Variants in SCAPER observed in about 807,000 individuals in gnomAD.
SCAPER encodes S-phase cyclin A associated protein in the ER, also known as S phase cyclin A-associated protein in the endoplasmic reticulum.
In SCAPER, 98 loss-of-function variants were observed where a neutral mutation model predicts 182.2. That is an observed-to-expected ratio of 0.54 (90% CI 0.46 to 0.64). The LOEUF is 0.64. SCAPER is among the 30% of genes least tolerant of loss of function. The probability of loss-of-function intolerance (pLI) is 0.00; values close to 1 mark genes in which losing one functional copy is unlikely to be tolerated. For missense variants in SCAPER, 1,432 were observed against 1,690.0 expected (o/e 0.85, Z 2.68); for synonymous variants, 605 against 564.6 (o/e 1.07, Z -1.01).
intron 21 of SCAPER, among the ~76,000 whole-genome samples, chr15:76,632,396 T>C (rs940681137): frequency 2.6e-5 from 4 of 152,038 alleles, no homozygotes; most frequent in Admixed American, 6.5e-5. Flanking sequence ...GGTTTCACAG[T>C]GTCAGCCAGG....
chr15:76,648,691 G>A (rs1337334140), intron 21 of SCAPER, among the ~76,000 whole-genome samples: 1 of 152,164 alleles, frequency 6.6e-6, no homozygotes, highest in Non-Finnish European at 1.5e-5. Context: ...TAAAAAAGCA[G>A]CCCCAAAATC....
chr15:76,873,351 C>A (rs75789516), intron 2 of SCAPER, among the ~76,000 whole-genome samples: 3,750 of 113,252 alleles, frequency 0.033, 63 homozygotes, highest in East Asian at 0.094. Context: ...GGCAGGCAGG[C>A]AGGCAGGCAG....
chr15:76,538,681 C>T (rs905543454), intron 23 of SCAPER, among the ~76,000 whole-genome samples: 1 of 151,260 alleles, frequency 6.6e-6, no homozygotes, highest in Admixed American at 6.6e-5. Flanking sequence ...TAATCCTGCA[C>T]ATTGTGCACA....
At position 76,579,160 on chromosome 15, in the gene SCAPER, G is replaced by A. The variant is rs185493356; in HGVS notation, c.2712-4876C>T. Reference sequence around the variant, plus strand: ...GGGTGCCTGTAATCCCAGCTACTCAGGAGGCTGAGGCAGGAGAATGGCATG... The same window carrying A: ...GGGTGCCTGTAATCCCAGCTACTCAAGAGGCTGAGGCAGGAGAATGGCATG... On this transcript the variant is annotated intron_variant, in intron 22 of 31. Transcript: ENST00000563290. Among the ~76,000 whole-genome samples, 174 of 151,054 alleles carry A rather than the reference G, an allele frequency of 1.2e-3. 1 individual carries two copies. Among genetic ancestry groups the A allele is most frequent in the African/African-American group, 4.1e-3 (168 of 41,192 alleles).
At chr15:76,753,679 A>C in intron 15 of SCAPER, 129 bp downstream of exon 15, 3 of 1,034,280 alleles carry the variant, frequency 2.9e-6, no homozygotes, top group Non-Finnish European at 4.1e-6. Flanking sequence ...GTTTTAAATG[A>C]GTGTGTAAAA....
chr15:76,840,198 G>A (rs1172985976), intron 5 of SCAPER, among the ~76,000 whole-genome samples: 3 of 152,092 alleles, frequency 2.0e-5, no homozygotes, highest in South Asian at 2.1e-4. Flanking sequence ...TAGGAGGATC[G>A]CTTGAGCCCA....
chr15:76,438,491 G>A (rs1048394320), intron 25 of SCAPER, among the ~76,000 whole-genome samples: 6 of 152,082 alleles, frequency 3.9e-5, no homozygotes, highest in African/African-American at 1.4e-4. Context: ...ACAGCTGACC[G>A]GCAACTTTTG....
chr15:76,720,614 C>T (rs1041435780), intron 17 of SCAPER, among the ~76,000 whole-genome samples: 18 of 152,012 alleles, frequency 1.2e-4, no homozygotes, highest in East Asian at 3.9e-4. Flanking sequence ...TTTTAATGAT[C>T]GCCATTCTAA....
chr15:76,793,505 T>C (rs1568155839), intron 8 of SCAPER: 3 of 480,834 alleles, frequency 6.2e-6, no homozygotes, highest in Non-Finnish European at 7.3e-6. Flanking sequence ...AATGGTTTAA[T>C]CAATCATGCC....
chr15:76,546,117 A>C (rs1028482393), intron 23 of SCAPER, among the ~76,000 whole-genome samples: 1 of 152,084 alleles, frequency 6.6e-6, no homozygotes, highest in Non-Finnish European at 1.5e-5. Context: ...CAAGACCCTA[A>C]ATGGTAGAGT....
At chr15:76,403,441 G>A (rs1381724317) in intron 27 of SCAPER, among the ~76,000 whole-genome samples, 1 of 152,174 alleles carries the variant, frequency 6.6e-6, no homozygotes, top group African/African-American at 2.4e-5. Flanking sequence ...GAACGTGACT[G>A]GTGGTGAGGG....
chr15:76,439,687 T>A (rs938056040), intron 25 of SCAPER, among the ~76,000 whole-genome samples: 3 of 152,208 alleles, frequency 2.0e-5, no homozygotes, highest in African/African-American at 7.2e-5. Context: ...CTCTGCTCTA[T>A]TACACACCTG....
rs1288881338 is a variant in SCAPER, at chr15:76,348,720, G to A, written c.4116C>T (p.Ser1372=). The change falls in exon 32 of 32, where the codon TCC becomes TCT. Residue 1372 remains serine, a synonymous_variant. Coordinates refer to ENST00000563290, the MANE Select transcript of SCAPER (RefSeq NM_020843.4). ...PYQPKGKCLG[S]QDYLELANRF... is the part of the protein sequence containing the mutation. ...TGTTAGCCAGCTCAAGATAGTCTTG[G>A]GAACCAAGGCATTTCCCTGAGAGGG... 1 of 1,537,738 alleles carries A rather than the reference G, an allele frequency of 6.5e-7. No homozygotes were observed. Among genetic ancestry groups the A allele is most frequent in the Admixed American group, 2.0e-5 (1 of 49,432 alleles).
At position 76,603,905 on chromosome 15, in the gene SCAPER, T is replaced by C. The variant is rs1283947730; in HGVS notation, c.2711+17859A>G. Among the ~76,000 whole-genome samples, 3 of 121,098 alleles carry C rather than the reference T, an allele frequency of 2.5e-5. 1 individual carries two copies. Among genetic ancestry groups the C allele is most frequent in the Non-Finnish European group, 6.0e-5 (3 of 49,730 alleles). 79.4% of individuals were successfully genotyped at this position (121,098 alleles called of 152,430 possible). On this transcript the variant is annotated intron_variant, in intron 22 of 31. Transcript: ENST00000563290. ...TTTTTTTCTTGTAAATTTGAGTTCA[T>C]TGTAGATTCTGGATATTAGCCCTTT...
intron 5 of SCAPER, among the ~76,000 whole-genome samples, chr15:76,806,331 CA>C (rs1165007066): frequency 2.6e-5 from 4 of 152,114 alleles, no homozygotes; most frequent in Non-Finnish European, 5.9e-5. Context: ...GCACTCATGT[CA>C]AAAATCAAAT....
intron 22 of SCAPER, among the ~76,000 whole-genome samples, chr15:76,590,222 T>C (rs2049003337): frequency 6.6e-6 from 1 of 152,200 alleles, no homozygotes; most frequent in South Asian, 2.1e-4. Context: ...TTTTCGAGTG[T>C]GACTAGATAG....
At position 76,472,329 on chromosome 15, in the gene SCAPER, C is replaced by G. The variant is rs753971391; in HGVS notation, c.2955-994G>C. 2.5e-4 allele frequency: 174 copies of G among 690,778 alleles called. No individual in the cohort carries two copies. The East Asian group carries it at 5.2e-3, about 21-fold the overall frequency. 42.8% of individuals were successfully genotyped at this position (690,778 alleles called of 1,614,324 possible). A position where few individuals can be genotyped will look rare whatever the true frequency, so the allele number is the denominator to read the frequency against. On this transcript the variant is annotated intron_variant, in intron 24 of 31. Transcript: ENST00000563290. ...AGAAAATGAAGATGCCAAAACAGAC[C>G]AGGCACAGAAAGCTGAAGGTGCTGG...
At position 76,409,543 on chromosome 15, in the gene SCAPER, C is replaced by T. The variant is rs532569575; in HGVS notation, c.3312-4864G>A. On this transcript the variant is annotated intron_variant, in intron 26 of 31. Coordinates refer to ENST00000563290, the MANE Select transcript of SCAPER (RefSeq NM_020843.4). The stretch of plus-strand genomic sequence containing the variant: ...TATACGATGTTCACTATTTGGGTGA[C>T]GGATTCACTACAAGCCCAAACTTCA... Among the ~76,000 whole-genome samples, 9 of 151,670 alleles carry T rather than the reference C, an allele frequency of 5.9e-5. No individual in the cohort carries two copies. In the East Asian group the frequency reaches 7.7e-4, roughly 13 times the overall value.
chr15:76,371,918 CA>C (rs1187825847), intron 29 of SCAPER, among the ~76,000 whole-genome samples: 6 of 145,960 alleles, frequency 4.1e-5, no homozygotes, highest in East Asian at 2.0e-4. Context: ...AACTCTGTCT[CA>C]AAAAAAAAAT....
Sources: allele counts gnomAD v4.1 joint callset (sites outside exome capture counted in the v4.1 genomes callset), GRCh38; gene constraint gnomAD v4.1.1; transcripts MANE v1.5; gene names NCBI Gene and HGNC (gene_info 2026-07-23, HGNC 2026-07-21).